PDXK: variants seen among roughly 807,000 people sequenced by gnomAD.
PDXK encodes the protein pyridoxal kinase.
PDXK carries 15 observed loss-of-function variants against 43.2 expected under a neutral mutation model. The observed-to-expected ratio is 0.35, with a 90% CI of 0.23 to 0.53. PDXK has a LOEUF of 0.53. Among genes scored for constraint, PDXK ranks in the 20% least tolerant of loss-of-function variants. PDXK has a pLI of 0.92. For synonymous variants in PDXK, 172 were observed against 165.4 expected, an observed-to-expected ratio of 1.04 and a Z score of -0.31; for missense variants, 343 against 417.0, an observed-to-expected ratio of 0.82 and a Z score of 1.54.
At chr21:43,750,891 T>C (rs989091263) in intron 7 of PDXK, among the ~76,000 whole-genome samples, 1 of 150,446 alleles carries the variant, frequency 6.6e-6, no homozygotes, top group Non-Finnish European at 1.5e-5. Context: ...TCCATGGGCG[T>C]GTGGGCATGG....
In PDXK at chr21:43,728,800, C is replaced by T. The variant is rs180877101; in HGVS notation, c.88-5269C>T. 423 of 985,596 alleles carry T rather than the reference C, an allele frequency of 4.3e-4. 3 individuals carry two copies. The African/African-American group carries it at 7.0e-3, about 16-fold the overall frequency. 61.1% of individuals were successfully genotyped at this position (985,596 alleles called of 1,614,324 possible). ...TCGCGGGCGGCAGGGGGAAGGGAGT[C>T]GGAGAGCTCCTGCGGTCCAGCCGGA... On this transcript the variant is annotated intron_variant, in intron 1 of 10. Coordinates refer to ENST00000291565, the MANE Select transcript of PDXK (RefSeq NM_003681.5).
rs764274964 is a variant in PDXK at position 43,737,551 on chromosome 21, C to T, written c.142+3428C>T. On this transcript the variant is annotated intron_variant, in intron 2 of 10. Coordinates refer to ENST00000291565, the MANE Select transcript of PDXK (RefSeq NM_003681.5). The surrounding 1 kb of genome is among the most constrained non-coding windows in gnomAD (Gnocchi z 4.8). ...GGACGGGTTGCGCTGTCCTGGCTTT[C>T]GGAGTGTAGAGCCAGAGGGGATGGG... is the stretch of plus-strand genomic sequence containing the variant. 558 of 1,009,192 alleles carry T rather than the reference C, an allele frequency of 5.5e-4. No individual in the cohort carries two copies. Among genetic ancestry groups the T allele is most frequent in the Non-Finnish European group, 6.4e-4 (539 of 843,406 alleles). 62.5% of individuals were successfully genotyped at this position (1,009,192 alleles called of 1,614,324 possible).
At chr21:43,725,756 GC>G (rs1345633628) in intron 1 of PDXK, among the ~76,000 whole-genome samples, 1 of 151,982 alleles carries the variant, frequency 6.6e-6, no homozygotes, top group Non-Finnish European at 1.5e-5. Context: ...GTTGCAGTGA[GC>G]CAAGATTGCA....
intron 7 of PDXK, among the ~76,000 whole-genome samples, chr21:43,750,901 G>T (rs1398620933): frequency 6.9e-6 from 1 of 145,164 alleles, no homozygotes; most frequent in African/African-American, 2.5e-5. Context: ...TGTGGGCATG[G>T]GTGTGCACGC....
intron 1 of PDXK, among the ~76,000 whole-genome samples, chr21:43,726,012 T>TTCTCTCTCTCTCTCTC (rs60147387): frequency 6.8e-6 from 1 of 147,750 alleles, no homozygotes; most frequent in Non-Finnish European, 1.5e-5. Flanking sequence ...CTAGCTGGGA[T>TTCTCTCTCTCTCTCTC]TCTCTCTCTC....
chr21:43,742,056 G>A (rs1026699038), intron 3 of PDXK, among the ~76,000 whole-genome samples: 3 of 152,178 alleles, frequency 2.0e-5, no homozygotes, highest in Non-Finnish European at 4.4e-5. Context: ...CAGGGTGTTG[G>A]GAACGCTGAC....
intron 1 of PDXK, among the ~76,000 whole-genome samples, chr21:43,730,777 G>A (rs1166243319): frequency 1.3e-5 from 2 of 152,044 alleles, no homozygotes; most frequent in Non-Finnish European, 2.9e-5. Context: ...AACATAGTGA[G>A]ACTCTGTCTC....
chr21:43,745,068 G>A (rs186896449), intron 4 of PDXK, among the ~76,000 whole-genome samples: 4 of 152,304 alleles, frequency 2.6e-5, no homozygotes, highest in Admixed American at 2.0e-4. Flanking sequence ...CCAGTTCATC[G>A]AGGTAGAAAG....
chr21:43,749,930 C>T (rs1329705167), intron 6 of PDXK, among the ~76,000 whole-genome samples: 1 of 152,192 alleles, frequency 6.6e-6, no homozygotes, highest in Non-Finnish European at 1.5e-5. Context: ...AAGCCACCAG[C>T]GCCCCAGTGC....
At chr21:43,719,681 C>G (rs2083190417) in intron 1 of PDXK, 1 of 985,342 alleles carries the variant, frequency 1.0e-6, no homozygotes, top group Non-Finnish European at 1.2e-6. Context: ...CGCCCCTTCC[C>G]GCCGACCGGG....
intron 1 of PDXK, among the ~76,000 whole-genome samples, chr21:43,725,406 C>T (rs1244588309): frequency 2.0e-5 from 3 of 152,158 alleles, no homozygotes; most frequent in Non-Finnish European, 4.4e-5. Context: ...TCTTCTTTGC[C>T]TTCAGAACTG....
rs2083337525 is a variant in PDXK at position 43,732,795 on chromosome 21, T to C, written c.88-1274T>C. The C allele has an allele frequency of 1.7e-6, 1 of 595,208 alleles. No individual in the cohort carries two copies. Among genetic ancestry groups the C allele is most frequent in the African/African-American group, 1.9e-5 (1 of 53,736 alleles). The allele number at this position is 595,208 out of a possible 1,614,324, so 36.9% of individuals were successfully genotyped here. ...CATATTCTCACTCCGTCACCCAGGC[T>C]AGAGTGCAGTGGTGCCATCAGGGCT... On this transcript the variant is annotated intron_variant, in intron 1 of 10. Coordinates refer to ENST00000291565, the MANE Select transcript of PDXK (RefSeq NM_003681.5). This position sits in a 1 kb window ranked among gnomAD's most constrained non-coding sequence, Gnocchi z 4.1.
chr21:43,729,157 C>A, intron 1 of PDXK: 1 of 321,330 alleles, frequency 3.1e-6, no homozygotes, highest in Non-Finnish European at 4.5e-6. Flanking sequence ...CGCTTGTTTA[C>A]GGAGTTACAC....
Position 43,756,734 on chromosome 21 carries a change from A to C in PDXK, c.*671A>C, listed in dbSNP as rs1278034600. 3 of 151,968 alleles carry C rather than the reference A, an allele frequency of 2.0e-5. No individual in the cohort carries two copies. The highest frequency in any genetic ancestry group is 4.4e-5 in the Non-Finnish European group (3 of 68,038). 9.4% of individuals were successfully genotyped at this position (151,968 alleles called of 1,614,324 possible). ...CCAGCAAATTCAAGTCGGTCTGCAG[A>C]CCTCTCAGCTACCCGCGGGACCTCT... On this transcript the variant is annotated 3_prime_UTR_variant, in exon 11 of 11. Transcript: ENST00000291565.
At position 43,754,530 on chromosome 21, in the gene PDXK, C is replaced by T. The variant is rs1369830323; in HGVS notation, c.759+811C>T. ...AGGACGCCTGGAGTGTGTCTTCTTA[C>T]AACACCGTCCAGAGCCGTGCTGTGC... On this transcript the variant is annotated intron_variant, in intron 9 of 10. Coordinates refer to ENST00000291565, the MANE Select transcript of PDXK (RefSeq NM_003681.5). The surrounding 1 kb of genome is among the most constrained non-coding windows in gnomAD (Gnocchi z 5.5). Among the ~76,000 whole-genome samples the T allele has an allele frequency of 6.6e-6, 1 of 152,158 alleles. No homozygotes were observed. Among genetic ancestry groups the T allele is most frequent in the Non-Finnish European group, 1.5e-5 (1 of 68,016 alleles).
At chr21:43,745,894 G>C in intron 4 of PDXK, 185 bp from the exon 5 acceptor site, 1 of 621,306 alleles carries the variant, frequency 1.6e-6, no homozygotes, top group Non-Finnish European at 3.0e-6. Flanking sequence ...CCACTTGGGA[G>C]GGTGAGGCAG....
chr21:43,733,931 A>C (rs1162952021), intron 1 of PDXK, 138 bp from the exon 2 acceptor site: 1 of 770,412 alleles, frequency 1.3e-6, no homozygotes, highest in Non-Finnish European at 2.2e-6. Context: ...CTGATGCGTC[A>C]GCCCTCCAGC....
chr21:43,751,336 G>A (rs1424880032), intron 7 of PDXK, among the ~76,000 whole-genome samples: 4 of 152,168 alleles, frequency 2.6e-5, no homozygotes, highest in African/African-American at 9.7e-5. Flanking sequence ...ATCACTTGAG[G>A]TCAGGAGTTC....
intron 4 of PDXK, among the ~76,000 whole-genome samples, chr21:43,745,419 CAAAAAA>C (rs112185301): frequency 1.0e-5 from 1 of 99,894 alleles, no homozygotes; most frequent in Non-Finnish European, 2.1e-5. Flanking sequence ...GACTCCATCT[CAAAAAA>C]AAAAAAAAAA....
Sources: allele counts gnomAD v4.1 joint callset (sites outside exome capture counted in the v4.1 genomes callset), GRCh38; gene constraint gnomAD v4.1.1; non-coding constraint Gnocchi (gnomAD v3.1); transcripts MANE v1.5; gene names NCBI Gene and HGNC (gene_info 2026-07-23, HGNC 2026-07-21).